The following CREB5 variants were observed in gnomAD, a reference collection of about 807,000 sequenced individuals.
CREB5 encodes the protein cAMP responsive element binding protein 5.
In CREB5, 19 loss-of-function variants were observed where a neutral mutation model predicts 57.1. That is an observed-to-expected ratio of 0.33 (90% CI 0.23 to 0.49). The LOEUF is 0.49. Ranked by LOEUF, CREB5 falls within the 20% of genes least tolerant of loss-of-function variation. The pLI, the probability that CREB5 is intolerant of heterozygous loss-of-function variation, is 0.99. For synonymous variants in CREB5, 238 were observed against 238.3 expected (o/e 1.00, Z 0.01); for missense variants, 579 against 671.6 (o/e 0.86, Z 1.52).
chr7:28,652,333 T>C (rs573230247), intron 5 of CREB5, among the ~76,000 whole-genome samples: 4 of 152,324 alleles, frequency 2.6e-5, no homozygotes, highest in Admixed American at 2.6e-4. Flanking sequence ...AAGGTAATAA[T>C]GGAAGTTTTG....
chr7:28,568,114 G>A (rs1795554432), intron 4 of CREB5, among the ~76,000 whole-genome samples: 1 of 152,134 alleles, frequency 6.6e-6, no homozygotes, highest in African/African-American at 2.4e-5. Context: ...AAGGATGGAC[G>A]GAAAGATTGG....
chr7:28,411,306 G>A (rs545558951), upstream of CREB5, among the ~76,000 whole-genome samples: 1 of 152,316 alleles, frequency 6.6e-6, no homozygotes, highest in East Asian at 1.9e-4. Flanking sequence ...ATCAGGTTTA[G>A]CTGAAAGGAT....
At chr7:28,517,187 G>GA (rs1793001449) in intron 4 of CREB5, among the ~76,000 whole-genome samples, 1 of 152,042 alleles carries the variant, frequency 6.6e-6, no homozygotes, top group South Asian at 2.1e-4. Flanking sequence ...ACAGAGACGT[G>GA]AAAAAAACTG....
rs2128003755 is a variant in CREB5 at position 28,412,694 on chromosome 7, G to C, written c.-221G>C. ...ACGAGGGAGGTACCAGAGTCTAGGA[G>C]GTACCTCTGGGTTGCAGAAGTAATT... is the stretch of plus-strand genomic sequence containing the variant. On this transcript the variant is annotated 5_prime_UTR_variant, in exon 1 of 11. Coordinates refer to ENST00000357727, the MANE Select transcript of CREB5 (RefSeq NM_182898.4). 1 of 397,148 alleles carries C rather than the reference G, an allele frequency of 2.5e-6. No individual in the cohort carries two copies. The highest frequency in any genetic ancestry group is 3.6e-5 in the East Asian group (1 of 27,642). The allele number at this position is 397,148 out of a possible 1,614,324, so 24.6% of individuals were successfully genotyped here.
chr7:28,326,870 C>A (rs113415649), intron 1 of CREB5, among the ~76,000 whole-genome samples: 1 of 152,074 alleles, frequency 6.6e-6, no homozygotes, highest in Non-Finnish European at 1.5e-5. Context: ...AGGCTGGGTG[C>A]GGTGGCTCAT....
chr7:28,740,598 G>T (rs776572979), intron 7 of CREB5, among the ~76,000 whole-genome samples: 4 of 152,180 alleles, frequency 2.6e-5, no homozygotes, highest in Admixed American at 6.5e-5. Context: ...GTGCTGAGAG[G>T]AAAGTTGAGA....
At chr7:28,507,954 C>T (rs1244619156) in intron 4 of CREB5, among the ~76,000 whole-genome samples, 1 of 152,096 alleles carries the variant, frequency 6.6e-6, no homozygotes, top group Non-Finnish European at 1.5e-5. Context: ...CAGATTTTTT[C>T]TATTCTCAAT....
At chr7:28,690,998 A>G (rs1801222328) in intron 5 of CREB5, among the ~76,000 whole-genome samples, 1 of 152,220 alleles carries the variant, frequency 6.6e-6, no homozygotes, top group South Asian at 2.1e-4. Flanking sequence ...GGAGGGAAGG[A>G]CACAGGACAT....
intron 1 of CREB5, among the ~76,000 whole-genome samples, chr7:28,384,287 A>G (rs533720199): frequency 6.6e-6 from 1 of 152,250 alleles, no homozygotes; most frequent in Non-Finnish European, 1.5e-5. Flanking sequence ...GCATGATATC[A>G]TAACAGAGTA....
At chr7:28,305,718 C>CTTT (rs112359198) in intron 1 of CREB5, among the ~76,000 whole-genome samples, 1 of 137,756 alleles carries the variant, frequency 7.3e-6, no homozygotes, top group Non-Finnish European at 1.6e-5. Flanking sequence ...TTTTTCTTTT[C>CTTT]TTTTTTTTTT....
rs1320569273 is a variant in CREB5, at chr7:28,492,733, A to G, written c.76-2173A>G. Reference sequence around the variant, plus strand: ...GTATATACAAATATATATATAAAATATAGTATATTTAAAATATAGTGTATA... The same window carrying G: ...GTATATACAAATATATATATAAAATGTAGTATATTTAAAATATAGTGTATA... On this transcript the variant is annotated intron_variant, in intron 2 of 10. Coordinates refer to ENST00000357727, the MANE Select transcript of CREB5 (RefSeq NM_182898.4). Among the ~76,000 whole-genome samples, 5 of 148,652 alleles carry G rather than the reference A, an allele frequency of 3.4e-5. No individual in the cohort carries two copies. In the Admixed American group the frequency reaches 3.4e-4, roughly 10 times the overall value.
upstream of CREB5, chr7:28,410,726 G>T: frequency 2.7e-6 from 1 of 371,854 alleles, no homozygotes; most frequent in South Asian, 2.0e-5. Context: ...CATGTGTCAA[G>T]GAATAAAGAC....
intron 5 of CREB5, among the ~76,000 whole-genome samples, chr7:28,619,851 G>A (rs534453837): frequency 3.9e-5 from 6 of 152,292 alleles, no homozygotes; most frequent in East Asian, 1.9e-4. Context: ...TGTTGGTCAT[G>A]TGCCAAAGGT....
chr7:28,667,318 A>G (rs1333779506), intron 5 of CREB5, among the ~76,000 whole-genome samples: 1 of 150,604 alleles, frequency 6.6e-6, no homozygotes, highest in Non-Finnish European at 1.5e-5. Context: ...ACTGCCAGCA[A>G]GTTTTGTTTG....
In CREB5 at chr7:28,766,737, A is replaced by G. The variant is rs116092748; in HGVS notation, c.703-37462A>G. Among the ~76,000 whole-genome samples, 1,277 of 152,290 alleles carry G rather than the reference A, an allele frequency of 8.4e-3. 15 individuals carry two copies. Among genetic ancestry groups the G allele is most frequent in the African/African-American group, 0.028 (1,177 of 41,562 alleles). Reference sequence around the variant, plus strand: ...GCCCTTGTGGGTAACTAAGCCCTAAATAGTGAGGAGGAAGACTCCCTCAGG... The same window carrying G: ...GCCCTTGTGGGTAACTAAGCCCTAAGTAGTGAGGAGGAAGACTCCCTCAGG... On this transcript the variant is annotated intron_variant, in intron 7 of 10. Transcript: ENST00000357727.
intron 7 of CREB5, among the ~76,000 whole-genome samples, chr7:28,774,038 T>C (rs578144114): frequency 2.6e-5 from 4 of 152,346 alleles, no homozygotes; most frequent in Admixed American, 6.5e-5. Context: ...AATAAACTTG[T>C]AGAGGAGAGT....
intron 4 of CREB5, among the ~76,000 whole-genome samples, chr7:28,540,343 G>C (rs1278272393): frequency 6.6e-6 from 1 of 152,102 alleles, no homozygotes; most frequent in African/African-American, 2.4e-5. Flanking sequence ...TAATAGTGTG[G>C]GTGAATGAGT....
chr7:28,496,052 T>C lies in CREB5; in HGVS notation c.169+1053T>C, dbSNP rs1004442024. On this transcript the variant is annotated intron_variant, in intron 3 of 10. Coordinates refer to ENST00000357727, the MANE Select transcript of CREB5 (RefSeq NM_182898.4). ...ACCTGGCCATGACCTTGAGTACTTA[T>C]TGAACCTTTTTGGGCTTCAGTTTCT... 3.0e-4 allele frequency among the ~76,000 whole-genome samples: 46 copies of C among 152,238 alleles called. 1 individual carries two copies. Among genetic ancestry groups the C allele is most frequent in the East Asian group, 1.9e-4 (1 of 5,180 alleles).
intron 7 of CREB5, among the ~76,000 whole-genome samples, chr7:28,788,691 C>T (rs1384107906): frequency 6.6e-6 from 1 of 152,154 alleles, no homozygotes; most frequent in African/African-American, 2.4e-5. Context: ...CATGCTCAGG[C>T]AGTCATTCTG....
Sources: gnomAD v4.1 joint callset for allele counts (sites outside exome capture counted in the v4.1 genomes callset) on GRCh38, gnomAD v4.1.1 for gene constraint, MANE v1.5 for transcripts, NCBI Gene and HGNC (gene_info 2026-07-23, HGNC 2026-07-21) for gene names.